The following RAB27B variants were observed in gnomAD, a reference collection of about 807,000 sequenced individuals.
The protein encoded by RAB27B is ras-related protein Rab-27B.
Under a neutral mutation model 24.6 loss-of-function variants are expected in RAB27B, and 15 were observed. That is an observed-to-expected ratio of 0.61 (90% CI 0.41 to 0.94). The LOEUF (loss-of-function observed/expected upper bound fraction) is 0.94. RAB27B is among the 40% of genes least tolerant of loss of function. The pLI is 0.00. For missense variants in RAB27B, 261 were observed against 266.8 expected (o/e 0.98, Z 0.15); for synonymous variants, 105 against 92.5 (o/e 1.14, Z -0.78).
chr18:54,876,239 C>T (rs935122903), intron 1 of RAB27B, among the ~76,000 whole-genome samples: 3 of 152,132 alleles, frequency 2.0e-5, no homozygotes, highest in African/African-American at 7.2e-5. Flanking sequence ...CCCCATGATT[C>T]AATTACCTCC....
chr18:54,753,069 A>G (rs1907887416), intron 2 of RAB27B, among the ~76,000 whole-genome samples: 1 of 152,094 alleles, frequency 6.6e-6, no homozygotes, highest in Non-Finnish European at 1.5e-5. Flanking sequence ...AAAATGATCA[A>G]TTTGCTTAAC....
At chr18:54,799,607 T>A (rs996890353) in intron 2 of RAB27B, among the ~76,000 whole-genome samples, 1 of 138,966 alleles carries the variant, frequency 7.2e-6, no homozygotes, top group Non-Finnish European at 1.5e-5. Context: ...GAATATATAA[T>A]AAAATGATTT....
At chr18:54,883,821 G>C (rs1395910595) in intron 3 of RAB27B, among the ~76,000 whole-genome samples, 1 of 152,012 alleles carries the variant, frequency 6.6e-6, no homozygotes, top group Non-Finnish European at 1.5e-5. Flanking sequence ...AGTGCTTTTT[G>C]AAAAGAGTTT....
chr18:54,809,682 T>C (rs1218067070), intron 2 of RAB27B, among the ~76,000 whole-genome samples: 1 of 152,232 alleles, frequency 6.6e-6, no homozygotes, highest in Non-Finnish European at 1.5e-5. Flanking sequence ...GTTAAGTAAA[T>C]GTAATTGATT....
At chr18:54,727,788 T>C (rs191155210) in intron 2 of RAB27B, among the ~76,000 whole-genome samples, 100 of 152,324 alleles carry the variant, frequency 6.6e-4, no homozygotes, top group Admixed American at 2.7e-3. Flanking sequence ...CTTATAGTTA[T>C]ATGTTTCGTT....
intron 1 of RAB27B, among the ~76,000 whole-genome samples, chr18:54,868,333 C>T (rs1173161911): frequency 1.3e-5 from 2 of 152,144 alleles, no homozygotes; most frequent in South Asian, 4.1e-4. Context: ...ACCTGCTCCC[C>T]TTTTGCCTTC....
At chr18:54,756,369 G>C (rs1908005837) in intron 2 of RAB27B, among the ~76,000 whole-genome samples, 1 of 152,046 alleles carries the variant, frequency 6.6e-6, no homozygotes, top group Non-Finnish European at 1.5e-5. Context: ...TACTTAATTA[G>C]GTCTCCCACA....
At chr18:54,763,051 G>C (rs1041295284) in intron 2 of RAB27B, among the ~76,000 whole-genome samples, 1 of 152,070 alleles carries the variant, frequency 6.6e-6, no homozygotes, top group Non-Finnish European at 1.5e-5. Flanking sequence ...CTAAGCTCAA[G>C]GCTTTGATGA....
intron 1 of RAB27B, among the ~76,000 whole-genome samples, chr18:54,858,093 T>C (rs1598966480): frequency 6.6e-6 from 1 of 152,214 alleles, no homozygotes; most frequent in Non-Finnish European, 1.5e-5. Flanking sequence ...CCTGTATTCG[T>C]CATCGTGTAA....
chr18:54,853,607 T>A (rs898932960), intron 1 of RAB27B, among the ~76,000 whole-genome samples: 1 of 152,206 alleles, frequency 6.6e-6, no homozygotes, highest in African/African-American at 2.4e-5. Context: ...CTACTTAGTG[T>A]TTTGCTAATC....
intron 1 of RAB27B, among the ~76,000 whole-genome samples, chr18:54,832,063 C>T (rs897111029): frequency 9.2e-5 from 14 of 152,074 alleles, no homozygotes; most frequent in East Asian, 1.9e-4. Flanking sequence ...TGTGAGCCAC[C>T]GCGCCTGGCC....
At chr18:54,841,927 G>A (rs1363472509) in intron 1 of RAB27B, among the ~76,000 whole-genome samples, 4 of 152,140 alleles carry the variant, frequency 2.6e-5, no homozygotes, top group Admixed American at 2.6e-4. Flanking sequence ...TCACAATTAA[G>A]GATTTAGACA....
chr18:54,891,272 T>C lies in RAB27B; in HGVS notation c.*1859T>C, dbSNP rs1467075380. The C allele has an allele frequency of 2.0e-5, 3 of 151,110 alleles. No homozygotes were observed. Among genetic ancestry groups the C allele is most frequent in the African/African-American group, 7.4e-5 (3 of 40,482 alleles). The allele number at this position is 151,110 out of a possible 1,614,324, so 9.4% of individuals were successfully genotyped here. ...GTGCCATGAATCAAAATATTAATAA[T>C]TTGAAAGCTTTCATGCTGTTAGCCC... is the stretch of plus-strand genomic sequence containing the variant. On this transcript the variant is annotated 3_prime_UTR_variant, in exon 6 of 6. Coordinates refer to ENST00000262094, the MANE Select transcript of RAB27B (RefSeq NM_004163.4).
intron 1 of RAB27B, among the ~76,000 whole-genome samples, chr18:54,856,907 A>G (rs1458056518): frequency 6.6e-6 from 1 of 151,954 alleles, no homozygotes; most frequent in Non-Finnish European, 1.5e-5. Flanking sequence ...AATTCCAATG[A>G]TAAAACCCAC....
chr18:54,814,989 A>G (rs1183097137), intron 2 of RAB27B, among the ~76,000 whole-genome samples: 1 of 151,886 alleles, frequency 6.6e-6, no homozygotes. Flanking sequence ...TCAACCCCCA[A>G]CCCCACCCTA....
At chr18:54,743,564 T>C (rs183793592) in intron 2 of RAB27B, among the ~76,000 whole-genome samples, 1 of 152,108 alleles carries the variant, frequency 6.6e-6, no homozygotes, top group Admixed American at 6.6e-5. Context: ...ATTCAGACAA[T>C]AAATGCGGGA....
intron 2 of RAB27B, among the ~76,000 whole-genome samples, chr18:54,818,582 G>T (rs969679077): frequency 1.3e-5 from 2 of 152,080 alleles, no homozygotes. Flanking sequence ...CATGTGGTTA[G>T]TATGCCTCCA....
At chr18:54,774,283 G>T (rs1908648160) in intron 2 of RAB27B, among the ~76,000 whole-genome samples, 1 of 152,168 alleles carries the variant, frequency 6.6e-6, no homozygotes, top group Non-Finnish European at 1.5e-5. Context: ...CATGTTAATA[G>T]GTAACTTATA....
At chr18:54,848,872 A>G (rs1006274532) in intron 1 of RAB27B, among the ~76,000 whole-genome samples, 1 of 152,186 alleles carries the variant, frequency 6.6e-6, no homozygotes, top group African/African-American at 2.4e-5. Flanking sequence ...ACATAGATCT[A>G]GCATGTTATA....
Sources: allele counts gnomAD v4.1 joint callset (sites outside exome capture counted in the v4.1 genomes callset), GRCh38; gene constraint gnomAD v4.1.1; transcripts MANE v1.5; gene names NCBI Gene and HGNC (gene_info 2026-07-23, HGNC 2026-07-21).